The following NDUFAF6 variants were observed in gnomAD, a reference collection of about 807,000 sequenced individuals.
The protein encoded by NDUFAF6 is NADH:ubiquinone oxidoreductase complex assembly factor 6.
NDUFAF6 carries 45 observed loss-of-function variants against 40.8 expected under a neutral mutation model. The ratio of observed to expected loss-of-function variants is 1.10; its 90% confidence interval spans 0.87 to 1.42. The LOEUF (loss-of-function observed/expected upper bound fraction) is 1.42, where lower values mean the gene tolerates loss of function less well. Among genes scored for constraint, NDUFAF6 ranks in the 40% most tolerant of loss-of-function variants. The pLI, the probability that NDUFAF6 is intolerant of heterozygous loss-of-function variation, is 0.00. For missense variants in NDUFAF6, 435 were observed against 418.5 expected (o/e 1.04, Z -0.34); for synonymous variants, 185 against 155.9 (o/e 1.19, Z -1.39).
At chr8:94,980,681 C>A (rs1315424836) in intron 1 of NDUFAF6, among the ~76,000 whole-genome samples, 1 of 140,964 alleles carries the variant, frequency 7.1e-6, no homozygotes, top group Non-Finnish European at 1.5e-5. Context: ...GAACTCCTGA[C>A]CTCAGGTGAT....
At chr8:94,932,583 C>T (rs557098328) in intron 1 of NDUFAF6, among the ~76,000 whole-genome samples, 1 of 152,072 alleles carries the variant, frequency 6.6e-6, no homozygotes, top group Non-Finnish European at 1.5e-5. Flanking sequence ...GCGGGCGGAT[C>T]GTGAGGTCAG....
chr8:94,933,151 G>A (rs568217609), intron 1 of NDUFAF6, among the ~76,000 whole-genome samples: 2 of 152,308 alleles, frequency 1.3e-5, no homozygotes, highest in South Asian at 4.1e-4. Flanking sequence ...CCAGTGCGGA[G>A]GTTGCAGTGA....
chr8:94,913,981 G>A (rs1478622028), intron 1 of NDUFAF6, among the ~76,000 whole-genome samples: 1 of 152,090 alleles, frequency 6.6e-6, no homozygotes, highest in Admixed American at 6.6e-5. Flanking sequence ...TAATAGAGAT[G>A]GGGTTTTGCA....
chr8:95,094,795 C>T (rs1421972939), intron 2 of NDUFAF6, among the ~76,000 whole-genome samples: 2 of 146,284 alleles, frequency 1.4e-5, no homozygotes, highest in African/African-American at 2.6e-5. Context: ...GTCTGTTATC[C>T]AGGCTAGAGT....
intron 1 of NDUFAF6, among the ~76,000 whole-genome samples, chr8:94,938,722 C>G (rs1821231840): frequency 6.6e-6 from 1 of 152,230 alleles, no homozygotes; most frequent in Non-Finnish European, 1.5e-5. Context: ...GTGGGGTGCA[C>G]AGAGGGCATG....
chr8:95,078,368 G>A (rs1350332583), downstream of NDUFAF6, among the ~76,000 whole-genome samples: 1 of 152,204 alleles, frequency 6.6e-6, no homozygotes, highest in East Asian at 1.9e-4. Context: ...CCCAGGCTGG[G>A]CGCAGTGGCT....
downstream of NDUFAF6, among the ~76,000 whole-genome samples, chr8:95,078,340 C>T (rs1011237620): frequency 3.9e-5 from 6 of 152,068 alleles, no homozygotes; most frequent in Non-Finnish European, 7.4e-5. Flanking sequence ...AGAATAGTTT[C>T]ACTGCCTTTA....
chr8:94,985,654 G>A (rs986042103), intron 2 of NDUFAF6, among the ~76,000 whole-genome samples: 7 of 141,372 alleles, frequency 5.0e-5, no homozygotes, highest in African/African-American at 1.3e-4. Context: ...TCCTGCCTCA[G>A]CCTTCCGAGT....
intron 2 of NDUFAF6, among the ~76,000 whole-genome samples, chr8:95,017,248 T>C (rs2131687768): frequency 6.6e-6 from 1 of 151,978 alleles, no homozygotes; most frequent in Admixed American, 6.6e-5. Flanking sequence ...GCCCATCTGG[T>C]GCTTCTTAAT....
upstream of NDUFAF6, among the ~76,000 whole-genome samples, chr8:95,097,469 G>A (rs560102016): frequency 3.9e-5 from 6 of 152,300 alleles, no homozygotes; most frequent in South Asian, 2.1e-4. Context: ...AGACTGAGGC[G>A]GGTGGATCAT....
chr8:95,105,378 G>GCA (rs1426577874), downstream of NDUFAF6, among the ~76,000 whole-genome samples: 8 of 114,594 alleles, frequency 7.0e-5, no homozygotes, highest in East Asian at 8.2e-4. Flanking sequence ...TTTTTTTTTT[G>GCA]AGACAGGGTC....
chr8:94,949,972 C>A (rs948122289), intron 2 of NDUFAF6: 2 of 148,974 alleles, frequency 1.3e-5, no homozygotes, highest in African/African-American at 5.0e-5. Flanking sequence ...CCAGGCCCCA[C>A]CTGCTGTAGA....
upstream of NDUFAF6, among the ~76,000 whole-genome samples, chr8:94,957,547 A>G (rs1823185912): frequency 6.6e-6 from 1 of 152,210 alleles, no homozygotes; most frequent in Non-Finnish European, 1.5e-5. Context: ...TTTGGAAGGA[A>G]AGTGTGACCA....
At chr8:95,118,294 C>T (rs1380228628), downstream of NDUFAF6, among the ~76,000 whole-genome samples, 1 of 152,184 alleles carries the variant, frequency 6.6e-6, no homozygotes, top group East Asian at 1.9e-4. Flanking sequence ...CTGGAACATC[C>T]TTGCTGCCAT....
At chr8:94,989,576 G>C (rs958978957) in intron 2 of NDUFAF6, among the ~76,000 whole-genome samples, 1 of 152,182 alleles carries the variant, frequency 6.6e-6, no homozygotes, top group Non-Finnish European at 1.5e-5. Context: ...TGAATCAATG[G>C]TCAAACTAAT....
At chr8:94,954,149 G>A (rs971738152), upstream of NDUFAF6, among the ~76,000 whole-genome samples, 59 of 151,998 alleles carry the variant, frequency 3.9e-4, 1 homozygote, top group African/African-American at 1.4e-3. Context: ...TACAACCTCC[G>A]CCCCCCGGGT....
intron 2 of NDUFAF6, among the ~76,000 whole-genome samples, chr8:94,947,848 T>C (rs1487450029): frequency 6.6e-6 from 1 of 152,198 alleles, no homozygotes; most frequent in African/African-American, 2.4e-5. Context: ...AAGGTCCTGG[T>C]TCCAGGCAGG....
At chr8:95,029,095 C>CA (rs1247342333) in intron 1 of NDUFAF6, among the ~76,000 whole-genome samples, 1 of 152,124 alleles carries the variant, frequency 6.6e-6, no homozygotes, top group Admixed American at 6.5e-5. Context: ...AGGAACATGA[C>CA]AAAGTGTGAA....
intron 1 of NDUFAF6, among the ~76,000 whole-genome samples, chr8:94,910,121 C>T (rs918720243): frequency 3.3e-5 from 5 of 151,944 alleles, no homozygotes; most frequent in Non-Finnish European, 1.5e-5. Context: ...GTTCCCTACT[C>T]CTGCCCATTT....
Sources: gnomAD v4.1 joint callset for allele counts (sites outside exome capture counted in the v4.1 genomes callset) on GRCh38, gnomAD v4.1.1 for gene constraint, MANE v1.5 for transcripts, NCBI Gene and HGNC (gene_info 2026-07-23, HGNC 2026-07-21) for gene names.